SPAG16: variants seen among roughly 807,000 people sequenced by gnomAD.
The protein encoded by SPAG16 is sperm associated antigen 16, also known as sperm-associated antigen 16 protein.
In SPAG16, 86 loss-of-function variants were observed where a neutral mutation model predicts 80.4. The observed-to-expected ratio is 1.07, with a 90% CI of 0.90 to 1.28. The LOEUF is 1.28. Among genes scored for constraint, SPAG16 ranks in the 50% most tolerant of loss-of-function variants. The pLI, the probability that SPAG16 is intolerant of heterozygous loss-of-function variation, is 0.00. For missense variants in SPAG16, 870 were observed against 765.3 expected (o/e 1.14, Z -1.61); for synonymous variants, 294 against 265.9 (o/e 1.11, Z -1.03).
At chr2:213,420,340 C>T (rs561063245) in intron 9 of SPAG16, among the ~76,000 whole-genome samples, 1 of 152,200 alleles carries the variant, frequency 6.6e-6, no homozygotes, top group Admixed American at 6.5e-5. Context: ...TGTGCTTATA[C>T]TTTATATGTT....
At chr2:213,581,453 C>G (rs941866675) in intron 10 of SPAG16, among the ~76,000 whole-genome samples, 3 of 152,012 alleles carry the variant, frequency 2.0e-5, no homozygotes, top group African/African-American at 7.2e-5. Flanking sequence ...TGGGTTCAAC[C>G]AGTCCTCCCA....
At chr2:214,015,601 A>G (rs918482147) in intron 13 of SPAG16, among the ~76,000 whole-genome samples, 2 of 29,602 alleles carry the variant, frequency 6.8e-5, no homozygotes, top group Non-Finnish European at 1.1e-4. Context: ...TCCATCTCAG[A>G]AAAAAAAAAA....
chr2:213,322,921 T>G (rs777321981), intron 5 of SPAG16, among the ~76,000 whole-genome samples: 1 of 152,102 alleles, frequency 6.6e-6, no homozygotes, highest in Non-Finnish European at 1.5e-5. Context: ...GTTAGAGGAT[T>G]AGCAAGGAGG....
chr2:213,371,156 C>A (rs1331936912), intron 8 of SPAG16, among the ~76,000 whole-genome samples: 2 of 152,158 alleles, frequency 1.3e-5, no homozygotes, highest in Non-Finnish European at 2.9e-5. Flanking sequence ...CGCCTGTAAT[C>A]CCGGCTCTTT....
At chr2:213,647,170 C>T (rs1412489633) in intron 10 of SPAG16, among the ~76,000 whole-genome samples, 1 of 152,112 alleles carries the variant, frequency 6.6e-6, no homozygotes, top group Non-Finnish European at 1.5e-5. Flanking sequence ...TGAGATTCTA[C>T]TCTTTGTATT....
chr2:213,303,925 A>T (rs1156507222), intron 3 of SPAG16, among the ~76,000 whole-genome samples: 1 of 152,054 alleles, frequency 6.6e-6, no homozygotes, highest in Non-Finnish European at 1.5e-5. Context: ...CATATTAAAT[A>T]ACTCTTACTT....
chr2:213,815,178 A>T (rs755860456), intron 10 of SPAG16, among the ~76,000 whole-genome samples: 4 of 152,176 alleles, frequency 2.6e-5, no homozygotes, highest in Admixed American at 6.5e-5. Flanking sequence ...AACATGCATG[A>T]ATATGTTTGC....
chr2:213,939,987 A>G (rs745315514), intron 12 of SPAG16, among the ~76,000 whole-genome samples: 6 of 152,098 alleles, frequency 3.9e-5, no homozygotes, highest in South Asian at 2.1e-4. Context: ...GTTGTTTTTC[A>G]TATTTCGTTT....
intron 8 of SPAG16, among the ~76,000 whole-genome samples, chr2:213,372,198 GT>G (rs2066678160): frequency 1.3e-5 from 2 of 151,818 alleles, no homozygotes; most frequent in South Asian, 2.1e-4. Context: ...TTTATTAGTT[GT>G]TTTTGTTTGC....
At chr2:213,853,845 C>A (rs1295220620) in intron 10 of SPAG16, among the ~76,000 whole-genome samples, 1 of 152,146 alleles carries the variant, frequency 6.6e-6, no homozygotes, top group Non-Finnish European at 1.5e-5. Context: ...GGATGATAGT[C>A]ATTTTATGGT....
chr2:213,461,388 A>G (rs1293400782), intron 9 of SPAG16, among the ~76,000 whole-genome samples: 1 of 152,198 alleles, frequency 6.6e-6, no homozygotes, highest in Non-Finnish European at 1.5e-5. Flanking sequence ...TAGGAATTTA[A>G]ACTTTATCCA....
In SPAG16 at chr2:213,932,878, T is replaced by A. The variant is rs1389256128; in HGVS notation, c.1400+2733T>A. On this transcript the variant is annotated intron_variant, in intron 12 of 15. Coordinates refer to ENST00000331683, the MANE Select transcript of SPAG16 (RefSeq NM_024532.5). ...CAAGGTTTCTGTGAATAATTAACAG[T>A]AGCTTTTTTATTATCTTCTGAATGA... 2.0e-5 allele frequency among the ~76,000 whole-genome samples: 3 copies of A among 151,988 alleles called. No individual in the cohort carries two copies. In the East Asian group the frequency reaches 5.8e-4, roughly 29 times the overall value.
At chr2:213,661,732 A>C (rs905678191) in intron 10 of SPAG16, among the ~76,000 whole-genome samples, 5 of 152,206 alleles carry the variant, frequency 3.3e-5, no homozygotes, top group African/African-American at 1.2e-4. Context: ...ACAGCATTTT[A>C]ATGATAATGT....
At chr2:213,289,339 A>C (rs1341709856) in intron 1 of SPAG16, among the ~76,000 whole-genome samples, 1 of 152,234 alleles carries the variant, frequency 6.6e-6, no homozygotes, top group Non-Finnish European at 1.5e-5. Flanking sequence ...TGAGTCTTAC[A>C]TGCTGAACAA....
intron 15 of SPAG16, among the ~76,000 whole-genome samples, chr2:214,352,094 C>T (rs1242801290): frequency 6.6e-6 from 1 of 152,076 alleles, no homozygotes; most frequent in Non-Finnish European, 1.5e-5. Context: ...CACCTGTGTT[C>T]TAAGGTTCCT....
chr2:213,431,646 A>G (rs564249119), intron 9 of SPAG16, among the ~76,000 whole-genome samples: 2 of 152,252 alleles, frequency 1.3e-5, no homozygotes, highest in African/African-American at 4.8e-5. Flanking sequence ...TAGCAACACA[A>G]TAAGTGCAGG....
At chr2:213,331,378 C>T (rs2064099267) in intron 5 of SPAG16, among the ~76,000 whole-genome samples, 1 of 152,196 alleles carries the variant, frequency 6.6e-6, no homozygotes. Flanking sequence ...GCAGTCAGTT[C>T]AGCAAGAGGA....
At chr2:214,193,723 G>A (rs1193587176) in intron 15 of SPAG16, among the ~76,000 whole-genome samples, 1 of 151,962 alleles carries the variant, frequency 6.6e-6, no homozygotes, top group Non-Finnish European at 1.5e-5. Flanking sequence ...TTTATATTCA[G>A]TACAGGTTAT....
intron 10 of SPAG16, among the ~76,000 whole-genome samples, chr2:213,791,893 A>G (rs1177823719): frequency 1.3e-5 from 2 of 152,188 alleles, no homozygotes; most frequent in African/African-American, 4.8e-5. Flanking sequence ...TGTTTTAAAT[A>G]TTTTGTACAT....
Sources: allele counts gnomAD v4.1 joint callset (sites outside exome capture counted in the v4.1 genomes callset), GRCh38; gene constraint gnomAD v4.1.1; transcripts MANE v1.5; gene names NCBI Gene and HGNC (gene_info 2026-07-23, HGNC 2026-07-21).